The following STK32B variants were observed in gnomAD, a reference collection of about 807,000 sequenced individuals.
STK32B encodes the protein serine/threonine-protein kinase 32B.
STK32B carries 43 observed loss-of-function variants against 52.6 expected under a neutral mutation model. The ratio of observed to expected loss-of-function variants is 0.82; its 90% CI spans 0.64 to 1.05. STK32B has a LOEUF of 1.05. Among genes scored for constraint, STK32B ranks in the 50% least tolerant of loss-of-function variants. The pLI is 0.00. For synonymous variants in STK32B, 238 were observed against 204.3 expected, an observed-to-expected ratio of 1.17 and a Z score of -1.41; for missense variants, 621 against 534.6, an observed-to-expected ratio of 1.16 and a Z score of -1.59.
intron 1 of STK32B, among the ~76,000 whole-genome samples, chr4:5,109,636 T>C (rs1157106933): frequency 6.6e-6 from 1 of 152,126 alleles, no homozygotes; most frequent in Non-Finnish European, 1.5e-5. Context: ...TAACTCAGGA[T>C]AATGGGAGCC....
intron 4 of STK32B, among the ~76,000 whole-genome samples, chr4:5,393,436 G>A (rs1736702810): frequency 6.6e-6 from 1 of 152,178 alleles, no homozygotes; most frequent in Non-Finnish European, 1.5e-5. Flanking sequence ...AAATACTGGA[G>A]ACTGTTGTTT....
intron 11 of STK32B, among the ~76,000 whole-genome samples, chr4:5,484,557 C>G (rs538481396): frequency 2.4e-4 from 36 of 152,176 alleles, no homozygotes; most frequent in African/African-American, 3.4e-4. Context: ...GCCAGTCTGT[C>G]TCTTTTAATT....
Position 5,051,769 on chromosome 4 carries a change from C to G in STK32B, c.-95C>G. ...GCGCGCGGCTACAACCCGGACTGGG[C>G]GCGCCCCCGGCATCCCGCATCTCTG... On this transcript the variant is annotated 5_prime_UTR_variant, in exon 1 of 12. Coordinates refer to ENST00000282908, the MANE Select transcript of STK32B (RefSeq NM_018401.3). The G allele has an allele frequency of 1.3e-6, 2 of 1,518,592 alleles. No homozygotes were observed. Among genetic ancestry groups the G allele is most frequent in the Non-Finnish European group, 1.8e-6 (2 of 1,126,066 alleles). The allele number at this position is 1,518,592 out of a possible 1,614,324, so 94.1% of individuals were successfully genotyped here.
chr4:5,067,315 T>A (rs1015360085), intron 1 of STK32B, among the ~76,000 whole-genome samples: 1 of 152,180 alleles, frequency 6.6e-6, no homozygotes, highest in African/African-American at 2.4e-5. Context: ...GGAGCTACAA[T>A]TCAAGATGAG....
intron 3 of STK32B, among the ~76,000 whole-genome samples, chr4:5,299,836 A>G (rs746372299): frequency 5.3e-5 from 8 of 152,178 alleles, no homozygotes; most frequent in Non-Finnish European, 1.0e-4. Flanking sequence ...GACCAGATGG[A>G]TTAACAGCCA....
At chr4:5,321,573 T>C (rs1250787428) in intron 3 of STK32B, among the ~76,000 whole-genome samples, 2 of 152,200 alleles carry the variant, frequency 1.3e-5, no homozygotes, top group Non-Finnish European at 2.9e-5. Context: ...TCCTTCGTTG[T>C]ACATTTTTCC....
chr4:5,345,722 A>G (rs1257457378), intron 4 of STK32B, among the ~76,000 whole-genome samples: 3 of 152,326 alleles, frequency 2.0e-5, no homozygotes, highest in East Asian at 3.9e-4. Context: ...AGCTCATACT[A>G]TCTCTATTCT....
the STK32B span, among the ~76,000 whole-genome samples, chr4:5,041,813 T>C: frequency 6.6e-6 from 1 of 152,136 alleles, no homozygotes; most frequent in Non-Finnish European, 1.5e-5. Flanking sequence ...TCTTTTTTTT[T>C]TTCTTTACAA....
chr4:5,122,114 AC>A (rs1156232506), intron 1 of STK32B, among the ~76,000 whole-genome samples: 5 of 151,364 alleles, frequency 3.3e-5, no homozygotes, highest in African/African-American at 1.2e-4. Context: ...TCACTTACTC[AC>A]CCATTCATTC....
intron 1 of STK32B, among the ~76,000 whole-genome samples, chr4:5,107,955 G>A (rs921893406): frequency 1.3e-5 from 2 of 152,136 alleles, no homozygotes; most frequent in African/African-American, 2.4e-5. Context: ...ACAGCTTGAG[G>A]TAGTCCTCAC....
At chr4:5,492,341 A>G (rs1314966760) in intron 11 of STK32B, among the ~76,000 whole-genome samples, 4 of 152,280 alleles carry the variant, frequency 2.6e-5, no homozygotes, top group African/African-American at 7.2e-5. Context: ...CTTTGAAGCA[A>G]TTGTGAATGG....
At chr4:5,100,632 CTCTT>C (rs1339156190) in intron 1 of STK32B, among the ~76,000 whole-genome samples, 12 of 84,352 alleles carry the variant, frequency 1.4e-4, no homozygotes, top group South Asian at 4.2e-4. Context: ...TTCTTTCTTT[CTCTT>C]TCTTTCTTTC....
rs1717664093 is a variant in STK32B, at chr4:5,469,132, T to C, written c.1106+1062T>C. On this transcript the variant is annotated intron_variant, in intron 11 of 11. Transcript: ENST00000282908. The surrounding 1 kb of genome is among the most constrained non-coding windows in gnomAD (Gnocchi z 4.7). ...CTGGGGCTCCAGCAGGGGCAGCCGATGAGCCCCATTGGACCCACACTAAGC... is the reference window on the plus strand; with the variant it reads ...CTGGGGCTCCAGCAGGGGCAGCCGACGAGCCCCATTGGACCCACACTAAGC... Among the ~76,000 whole-genome samples, 1 of 152,034 alleles carries C rather than the reference T, an allele frequency of 6.6e-6. No individual in the cohort carries two copies. Among genetic ancestry groups the C allele is most frequent in the African/African-American group, 2.4e-5 (1 of 41,452 alleles).
Position 5,396,064 on chromosome 4 carries a change from C to A in STK32B, c.435-2143C>A, listed in dbSNP as rs1358050565. On this transcript the variant is annotated intron_variant, in intron 4 of 11. Coordinates refer to ENST00000282908, the MANE Select transcript of STK32B (RefSeq NM_018401.3). The surrounding 1 kb of genome is among the most constrained non-coding windows in gnomAD (Gnocchi z 4.7). ...TCAACTCTATCAGCTCTCCTTCCACCGTGCCAGTTGTGTTAGCTTCCGGGG... is the reference window on the plus strand; with the variant it reads ...TCAACTCTATCAGCTCTCCTTCCACAGTGCCAGTTGTGTTAGCTTCCGGGG... 6.6e-6 allele frequency among the ~76,000 whole-genome samples: 1 copy of A among 152,230 alleles called. No homozygotes were observed. The highest frequency in any genetic ancestry group is 1.5e-5 in the Non-Finnish European group (1 of 68,036).
intron 1 of STK32B, among the ~76,000 whole-genome samples, chr4:5,123,103 C>G (rs1034487521): frequency 1.3e-5 from 2 of 152,146 alleles, no homozygotes; most frequent in Non-Finnish European, 2.9e-5. Context: ...CCCACCTCCC[C>G]ACAGAGTGGT....
At chr4:5,302,966 G>A (rs1330165536) in intron 3 of STK32B, among the ~76,000 whole-genome samples, 2 of 147,134 alleles carry the variant, frequency 1.4e-5, no homozygotes, top group African/African-American at 5.3e-5. Flanking sequence ...GTATTCTATG[G>A]TATATGTGTG....
intron 4 of STK32B, among the ~76,000 whole-genome samples, chr4:5,352,110 C>G (rs1733866135): frequency 6.6e-6 from 1 of 151,994 alleles, no homozygotes; most frequent in Non-Finnish European, 1.5e-5. Context: ...GACAGCATTA[C>G]CTTGATACCA....
chr4:5,239,766 T>C lies in STK32B; in HGVS notation c.260+71316T>C, dbSNP rs549018495. ...TATACTAAATAAGAGTCAGAATTTT[T>C]TTTTTTTCTGGAATGAATGACTAAA... On this transcript the variant is annotated intron_variant, in intron 3 of 11. Transcript: ENST00000282908. Among the ~76,000 whole-genome samples the C allele has an allele frequency of 2.3e-3, 345 of 152,164 alleles. 2 individuals carry two copies. The highest frequency in any genetic ancestry group is 8.0e-3 in the African/African-American group (332 of 41,478).
intron 9 of STK32B, 37 bp from the exon 10 acceptor site, chr4:5,466,666 G>C: frequency 6.3e-7 from 1 of 1,591,084 alleles, no homozygotes; most frequent in Non-Finnish European, 8.6e-7. Context: ...TGGGTGGAAC[G>C]CAGACAGACC....
Sources: gnomAD v4.1 joint callset for allele counts (sites outside exome capture counted in the v4.1 genomes callset) on GRCh38, gnomAD v4.1.1 for gene constraint, Gnocchi (gnomAD v3.1) non-coding constraint, MANE v1.5 for transcripts, NCBI Gene and HGNC (gene_info 2026-07-23, HGNC 2026-07-21) for gene names.